SPTSSA: variants seen among roughly 807,000 people sequenced by gnomAD.
SPTSSA encodes small subunit of serine palmitoyltransferase A.
In SPTSSA, 8 loss-of-function variants were observed where a neutral mutation model predicts 9.1. The ratio of observed to expected loss-of-function variants is 0.88; its 90% CI spans 0.51 to 1.58. The LOEUF (loss-of-function observed/expected upper bound fraction) is 1.58. Ranked by LOEUF, SPTSSA falls within the 40% of genes most tolerant of loss-of-function variation. The pLI is 0.00. For missense variants in SPTSSA, 100 were observed against 93.8 expected, an observed-to-expected ratio of 1.07 and a Z score of -0.27; for synonymous variants, 42 against 37.7, an observed-to-expected ratio of 1.11 and a Z score of -0.41.
chr14:34,456,117 A>G (rs1878457234), intron 1 of SPTSSA, among the ~76,000 whole-genome samples: 2 of 151,772 alleles, frequency 1.3e-5, no homozygotes, highest in African/African-American at 4.8e-5. Flanking sequence ...AGGTCAGGAG[A>G]TCGAGACCAT....
intron 1 of SPTSSA, among the ~76,000 whole-genome samples, chr14:34,443,098 T>G (rs1050593820): frequency 4.3e-5 from 6 of 138,156 alleles, no homozygotes; most frequent in Admixed American, 3.7e-4. Context: ...CTGCAACCTC[T>G]GCCTCCCAGG....
intron 1 of SPTSSA, among the ~76,000 whole-genome samples, chr14:34,460,229 T>C (rs1276004956): frequency 6.6e-6 from 1 of 152,172 alleles, no homozygotes; most frequent in Admixed American, 6.5e-5. Flanking sequence ...TGTCAAACAA[T>C]TGCATTTCTA....
At chr14:34,435,623 CTTTT>C (rs769896697) in intron 1 of SPTSSA, among the ~76,000 whole-genome samples, 25 of 92,468 alleles carry the variant, frequency 2.7e-4, no homozygotes, top group African/African-American at 5.5e-4. Flanking sequence ...GTTTGTTTCT[CTTTT>C]TTTTTTTTTT....
At chr14:34,461,293 A>G (rs1392139748) in intron 1 of SPTSSA, among the ~76,000 whole-genome samples, 1 of 152,212 alleles carries the variant, frequency 6.6e-6, no homozygotes, top group Admixed American at 6.5e-5. Flanking sequence ...CAGGGAGCCT[A>G]TCTTCACAAC....
intron 1 of SPTSSA, among the ~76,000 whole-genome samples, chr14:34,446,229 C>T (rs1688370280): frequency 6.6e-6 from 1 of 152,160 alleles, no homozygotes; most frequent in Admixed American, 6.5e-5. Flanking sequence ...TGAGAGGGGT[C>T]CCTGCACACT....
intron 1 of SPTSSA, among the ~76,000 whole-genome samples, chr14:34,457,390 C>A (rs2787442): frequency 6.6e-6 from 1 of 152,022 alleles, no homozygotes; most frequent in African/African-American, 2.4e-5. Flanking sequence ...TTCTTTCCCA[C>A]CTTGGGATGC....
chr14:34,458,721 T>C (rs547324618), intron 1 of SPTSSA, among the ~76,000 whole-genome samples: 1 of 143,484 alleles, frequency 7.0e-6, no homozygotes, highest in Admixed American at 7.1e-5. Context: ...TTGGCCAGAC[T>C]GGTGAACCGC....
At position 34,462,128 on chromosome 14, in the gene SPTSSA, T is replaced by TA. The variant is rs772986880; in HGVS notation, c.79dup (p.Tyr27LeufsTer42). 6.6e-7 allele frequency: 1 copy of TA among 1,524,100 alleles called. No individual in the cohort carries two copies. The highest frequency in any genetic ancestry group is 8.8e-7 in the Non-Finnish European group (1 of 1,131,218). 94.4% of individuals were successfully genotyped at this position (1,524,100 alleles called of 1,614,324 possible). The stretch of plus-strand genomic sequence containing the variant: ...CGTCCGCTCCCAGGGCTCCAGCATG[T>TA]AGAGCGCCGTGACCAGCAGGTACTG... On this transcript the variant is annotated frameshift_variant, in exon 1 of 2. Coordinates refer to ENST00000298130, the MANE Select transcript of SPTSSA (RefSeq NM_138288.4). LOFTEE classifies it high-confidence loss of function.
intron 1 of SPTSSA, among the ~76,000 whole-genome samples, chr14:34,445,735 T>C (rs756371409): frequency 5.3e-5 from 8 of 152,200 alleles, no homozygotes; most frequent in Non-Finnish European, 8.8e-5. Flanking sequence ...CAGTCTTCTT[T>C]AGGTTACATT....
rs201525599 is a variant in SPTSSA at position 34,443,074 on chromosome 14, G to GCA, written c.113-7772_113-7771dup. ...CTCATTACCCAGCTGGAGTGCATTGGCAGTCTTAGCTCACTGCAACCTCTG... is the reference window on the plus strand; with the variant it reads ...CTCATTACCCAGCTGGAGTGCATTGGCACAGTCTTAGCTCACTGCAACCTCTG... On this transcript the variant is annotated intron_variant, in intron 1 of 1. Coordinates refer to ENST00000298130, the MANE Select transcript of SPTSSA (RefSeq NM_138288.4). Among the ~76,000 whole-genome samples, 425 of 109,272 alleles carry GCA rather than the reference G, an allele frequency of 3.9e-3. 7 individuals are homozygous for GCA. Among genetic ancestry groups the GCA allele is most frequent in the African/African-American group, 0.013 (253 of 19,662 alleles). The allele number at this position is 109,272 out of a possible 152,430, so 71.7% of individuals were successfully genotyped here.
chr14:34,460,312 A>G (rs8005708), intron 1 of SPTSSA, among the ~76,000 whole-genome samples: 1 of 152,216 alleles, frequency 6.6e-6, no homozygotes. Flanking sequence ...ATAAGGTTCT[A>G]TAATATTGGA....
intron 1 of SPTSSA, among the ~76,000 whole-genome samples, chr14:34,452,676 A>G (rs1320951059): frequency 6.6e-6 from 1 of 152,206 alleles, no homozygotes; most frequent in Non-Finnish European, 1.5e-5. Context: ...CACTAAGGTT[A>G]TAGTGTCTCT....
At chr14:34,438,001 C>T (rs1883265073) in intron 1 of SPTSSA, among the ~76,000 whole-genome samples, 1 of 151,970 alleles carries the variant, frequency 6.6e-6, no homozygotes, top group Non-Finnish European at 1.5e-5. Context: ...TGGGGTCTCC[C>T]TATGTTGCTC....
chr14:34,447,959 G>A (rs1473813113), intron 1 of SPTSSA, among the ~76,000 whole-genome samples: 1 of 152,108 alleles, frequency 6.6e-6, no homozygotes, highest in Admixed American at 6.5e-5. Flanking sequence ...TGGCCATCAA[G>A]AAGCTACCCT....
At chr14:34,461,813 T>C (rs764711189) in intron 1 of SPTSSA, among the ~76,000 whole-genome samples, 10 of 152,108 alleles carry the variant, frequency 6.6e-5, no homozygotes, top group African/African-American at 2.2e-4. Context: ...GGGTTACACA[T>C]CACCTTCGGA....
chr14:34,457,069 C>T (rs1292404178), intron 1 of SPTSSA, among the ~76,000 whole-genome samples: 5 of 151,362 alleles, frequency 3.3e-5, no homozygotes, highest in African/African-American at 1.2e-4. Flanking sequence ...ACCTCCACTT[C>T]TTAGGTTCAA....
intron 1 of SPTSSA, among the ~76,000 whole-genome samples, chr14:34,450,656 G>C (rs934184630): frequency 2.0e-5 from 3 of 152,154 alleles, no homozygotes; most frequent in Non-Finnish European, 2.9e-5. Context: ...GTTCTGTTTT[G>C]TGTTTATAAC....
chr14:34,436,072 C>A (rs1883237481), intron 1 of SPTSSA, among the ~76,000 whole-genome samples: 1 of 152,152 alleles, frequency 6.6e-6, no homozygotes, highest in Non-Finnish European at 1.5e-5. Context: ...TAGAATTAGA[C>A]TAGAATGTGG....
intron 1 of SPTSSA, among the ~76,000 whole-genome samples, chr14:34,454,099 A>C (rs1883571509): frequency 6.6e-6 from 1 of 152,144 alleles, no homozygotes; most frequent in Non-Finnish European, 1.5e-5. Context: ...AAGATCACTT[A>C]AGCCCAGGAG....
Sources: allele counts gnomAD v4.1 joint callset (sites outside exome capture counted in the v4.1 genomes callset), GRCh38; gene constraint gnomAD v4.1.1; transcripts MANE v1.5; gene names NCBI Gene and HGNC (gene_info 2026-07-23, HGNC 2026-07-21).